TJAP1: variants seen among roughly 807,000 people sequenced by gnomAD.
TJAP1 encodes the protein tight junction associated protein 1, also known as tight junction-associated protein 1.
Under a neutral mutation model 42.0 loss-of-function variants are expected in TJAP1, and 27 were observed. That is an observed-to-expected ratio of 0.64 (90% CI 0.47 to 0.89). The LOEUF (loss-of-function observed/expected upper bound fraction) is 0.89, where lower values mean the gene tolerates loss of function less well. Among genes scored for constraint, TJAP1 ranks in the 40% least tolerant of loss-of-function variants. TJAP1 has a pLI of 0.00. For synonymous variants in TJAP1, 257 were observed against 288.4 expected, an observed-to-expected ratio of 0.89 and a Z score of 1.10; for missense variants, 712 against 726.9, an observed-to-expected ratio of 0.98 and a Z score of 0.24.
chr6:43,502,663 C>T (rs1297539340), intron 8 of TJAP1, 46 bp downstream of exon 8: 1 of 1,548,680 alleles, frequency 6.5e-7, no homozygotes, highest in South Asian at 1.2e-5. Context: ...TGGCCTTCTC[C>T]TCAGCTGAGA....
chr6:43,481,785 C>T (rs1785380057), intron 2 of TJAP1, among the ~76,000 whole-genome samples: 1 of 152,132 alleles, frequency 6.6e-6, no homozygotes, highest in Non-Finnish European at 1.5e-5. Flanking sequence ...GACTGGCTTT[C>T]CTTTGCCCTG....
chr6:43,484,493 T>C (rs150465542), intron 2 of TJAP1, among the ~76,000 whole-genome samples: 1 of 152,262 alleles, frequency 6.6e-6, no homozygotes, highest in East Asian at 1.9e-4. Context: ...GGACACTTGG[T>C]AAATATTTGT....
chr6:43,478,984 G>A (rs1336376245), intron 2 of TJAP1, among the ~76,000 whole-genome samples: 1 of 152,158 alleles, frequency 6.6e-6, no homozygotes, highest in Admixed American at 6.5e-5. Context: ...TTTTCTGGTA[G>A]TTTTTTTCTC....
At position 43,505,146 on chromosome 6, in the gene TJAP1, C is replaced by T. The variant is rs754760351; in HGVS notation, c.965C>T (p.Pro322Leu). The change falls in exon 11 of 11, where the codon CCA (proline) becomes CTA (leucine). Residue 322 changes from proline (P) to leucine (L), a missense_variant. Around this residue, in one of 3 missense-constraint regions of TJAP1, gnomAD observed 549 missense variants for 528.2 expected, o/e 1.04. Coordinates refer to ENST00000372449, the Ensembl canonical transcript of TJAP1. This position sits in a 1 kb window ranked among gnomAD's most constrained non-coding sequence, Gnocchi z 5.5. ...AACCCCTACCCAACCCCGTCTCCACCACACCCACTGTATCCTGGCCGCAGG... is the reference window on the plus strand; with the variant it reads ...AACCCCTACCCAACCCCGTCTCCACTACACCCACTGTATCCTGGCCGCAGG... 1 of 1,614,222 alleles carries T rather than the reference C, an allele frequency of 6.2e-7. No homozygotes were observed. The highest frequency in any genetic ancestry group is 2.2e-5 in the East Asian group (1 of 44,884).
intron 4 of TJAP1, among the ~76,000 whole-genome samples, chr6:43,500,416 C>T (rs1790262775): frequency 1.3e-5 from 2 of 152,214 alleles, no homozygotes; most frequent in South Asian, 4.1e-4. Flanking sequence ...ACAGGACCCA[C>T]CAGGAGCCGA....
chr6:43,493,948 C>T (rs1304245080), intron 2 of TJAP1, among the ~76,000 whole-genome samples: 1 of 152,178 alleles, frequency 6.6e-6, no homozygotes, highest in Non-Finnish European at 1.5e-5. Context: ...TATTAAAGGA[C>T]ACTGCTCAGC....
chr6:43,482,055 G>A (rs1263057559), intron 2 of TJAP1, among the ~76,000 whole-genome samples: 3 of 152,240 alleles, frequency 2.0e-5, no homozygotes, highest in African/African-American at 2.4e-5. Context: ...TCTGTCAGAC[G>A]TATCGCTCCC....
chr6:43,502,110 T>TCTCC (rs1791041706), intron 6 of TJAP1, among the ~76,000 whole-genome samples, 173 bp from the exon 7 acceptor site: 3 of 149,244 alleles, frequency 2.0e-5, no homozygotes, highest in African/African-American at 5.0e-5. Flanking sequence ...TCTCTCTCTC[T>TCTCC]CCTTTCATAG....
intron 6 of TJAP1, among the ~76,000 whole-genome samples, chr6:43,502,047 GACACACAC>G (rs563635573): frequency 2.7e-4 from 6 of 22,268 alleles, no homozygotes; most frequent in Admixed American, 5.3e-4. Context: ...GGAATGCGGG[GACACACAC>G]ACACACACAC....
rs1788963135 is a variant in TJAP1 at position 43,495,775 on chromosome 6, G to C, written c.-121-2106G>C. Among the ~76,000 whole-genome samples the C allele has an allele frequency of 6.6e-6, 1 of 152,272 alleles. No individual in the cohort carries two copies. The highest frequency in any genetic ancestry group is 1.9e-4 in the East Asian group (1 of 5,176). ...ATCGCCTCTGGCCATGGAAGCCCTG[G>C]GGATAAATACATGCTGTAGGGCCAG... On this transcript the variant is annotated intron_variant, in intron 2 of 10. Coordinates refer to ENST00000372449, the Ensembl canonical transcript of TJAP1. The surrounding 1 kb of genome is among the most constrained non-coding windows in gnomAD (Gnocchi z 4.6).
chr6:43,488,527 TC>T (rs1300414123), intron 2 of TJAP1, among the ~76,000 whole-genome samples: 4 of 152,230 alleles, frequency 2.6e-5, no homozygotes, highest in Non-Finnish European at 5.9e-5. Context: ...CCTGTGTCTC[TC>T]CCCTTCACTC....
Position 43,502,359 on chromosome 6 carries a change from C to A in TJAP1, c.357+10C>A. 1 of 1,613,182 alleles carries A rather than the reference C, an allele frequency of 6.2e-7. No individual in the cohort carries two copies. Among genetic ancestry groups the A allele is most frequent in the Non-Finnish European group, 8.5e-7 (1 of 1,179,792 alleles). ...CAAGCTGCACACACTGGTAATCTGT[C>A]TGGGAGGGCAGCTTGGTGGGCACTG... On this transcript the variant is annotated intron_variant, in intron 7 of 10. Coordinates refer to ENST00000372449, the Ensembl canonical transcript of TJAP1.
At position 43,502,571 on chromosome 6, in the gene TJAP1, C is replaced by T; in HGVS notation, c.358-17C>T. ...CCCCCTCATGCTGCCACCGTTGCTG[C>T]TGCACTCTCCTCTCAGGCCTCTCTT... is the stretch of plus-strand genomic sequence containing the variant. On this transcript the variant is annotated splice_polypyrimidine_tract_variant and intron_variant, in intron 7 of 10. Transcript: ENST00000372449. The T allele has an allele frequency of 3.2e-6, 5 of 1,551,726 alleles. No individual in the cohort carries two copies. The highest frequency in any genetic ancestry group is 1.7e-4 in the Middle Eastern group (1 of 5,994).
intron 10 of TJAP1, 68 bp downstream of exon 10, chr6:43,503,774 C>T (rs1791541057): frequency 7.4e-7 from 1 of 1,359,888 alleles, no homozygotes; most frequent in Non-Finnish European, 1.1e-6. Context: ...CCTCTAACTC[C>T]AGTTTCTGCA....
chr6:43,502,391 T>C, intron 7 of TJAP1, 42 bp downstream of exon 7: 1 of 1,604,160 alleles, frequency 6.2e-7, no homozygotes, highest in Non-Finnish European at 8.5e-7. Context: ...ACTGTGCTCA[T>C]AGCATAGCAG....
intron 10 of TJAP1, chr6:43,504,373 C>A (rs566997472): frequency 1.7e-5 from 4 of 237,072 alleles, no homozygotes; most frequent in African/African-American, 9.1e-5. Flanking sequence ...CCTCGGCCTC[C>A]CAAAGTGCTG....
At chr6:43,479,456 A>G (rs911509023) in intron 2 of TJAP1, among the ~76,000 whole-genome samples, 4 of 152,214 alleles carry the variant, frequency 2.6e-5, no homozygotes, top group Non-Finnish European at 2.9e-5. Flanking sequence ...TGTAATTGTA[A>G]TCACCCAAGG....
chr6:43,505,550 G>T lies in TJAP1; in HGVS notation c.1369G>T (p.Val457Phe), dbSNP rs762939002. 1 of 1,613,884 alleles carries T rather than the reference G, an allele frequency of 6.2e-7. No individual in the cohort carries two copies. The stretch of plus-strand genomic sequence containing the variant: ...TAGCCCCGCTGACAGAGATGAGGTG[G>T]TCCAGGCACCTTCTGCCCGACCCGA... The change falls in exon 11 of 11, where the codon GTC becomes TTC. Residue 457 changes from valine to phenylalanine, a missense_variant. By Grantham distance (50) the Val-to-Phe change is conservative (BLOSUM62 -1). This residue lies in a region of TJAP1 where 549 missense variants were observed against 528.2 expected (regional missense o/e 1.04). Coordinates refer to ENST00000372449, the Ensembl canonical transcript of TJAP1. This position sits in a 1 kb window ranked among gnomAD's most constrained non-coding sequence, Gnocchi z 5.5.
At chr6:43,484,838 G>T (rs1786097665) in intron 2 of TJAP1, among the ~76,000 whole-genome samples, 1 of 152,196 alleles carries the variant, frequency 6.6e-6, no homozygotes, top group Non-Finnish European at 1.5e-5. Context: ...CAATTCTCCT[G>T]CCTCGGCCTC....
Sources: allele counts gnomAD v4.1 joint callset (sites outside exome capture counted in the v4.1 genomes callset), GRCh38; gene constraint gnomAD v4.1.1; regional missense constraint gnomAD v4.1.1; non-coding constraint Gnocchi (gnomAD v3.1); transcripts MANE v1.5; gene names NCBI Gene and HGNC (gene_info 2026-07-23, HGNC 2026-07-21).